The following EBF3 variants were observed in gnomAD, a reference collection of about 807,000 sequenced individuals.
EBF3 encodes transcription factor COE3.
EBF3 carries 18 observed loss-of-function variants against 77.1 expected under a neutral mutation model. The ratio of observed to expected loss-of-function variants is 0.23; its 90% CI spans 0.16 to 0.35. EBF3 has a LOEUF of 0.35. EBF3 is among the 10% of genes least tolerant of loss of function. EBF3 has a pLI of 1.00. For missense variants in EBF3, 558 were observed against 860.0 expected (o/e 0.65, Z 4.39); for synonymous variants, 350 against 343.5 (o/e 1.02, Z -0.21).
chr10:129,878,320 A>C (rs1225897540), intron 6 of EBF3, among the ~76,000 whole-genome samples: 1 of 152,230 alleles, frequency 6.6e-6, no homozygotes, highest in Admixed American at 6.5e-5. Context: ...TGGATGTGCC[A>C]TATCTTATCT....
At position 129,839,203 on chromosome 10, in the gene EBF3, ATAG is replaced by A; in HGVS notation, c.1760-11_1760-9del. 3 of 1,214,822 alleles carry A rather than the reference ATAG, an allele frequency of 2.5e-6. No homozygotes were observed. Among genetic ancestry groups the A allele is most frequent in the Non-Finnish European group, 3.3e-6 (3 of 907,472 alleles). 75.3% of individuals were successfully genotyped at this position (1,214,822 alleles called of 1,614,324 possible). A position where few individuals can be genotyped will look rare whatever the true frequency, so the allele number is the denominator to read the frequency against. Reference sequence around the variant, plus strand: ...CAGCACCCAGCAGAGAGCCTGGTACATAGTAGGTGCTCAGTAAATACTGGTTGA... The same window carrying A: ...CAGCACCCAGCAGAGAGCCTGGTACATAGGTGCTCAGTAAATACTGGTTGA... On this transcript the variant is annotated splice_polypyrimidine_tract_variant and intron_variant, in intron 15 of 16. Coordinates refer to ENST00000440978, the MANE Select transcript of EBF3 (RefSeq NM_001375380.1).
At chr10:129,853,054 T>C (rs1461224394) in intron 10 of EBF3, among the ~76,000 whole-genome samples, 1 of 152,200 alleles carries the variant, frequency 6.6e-6, no homozygotes, top group Non-Finnish European at 1.5e-5. Context: ...TTAATTGTGA[T>C]GGCAACCTCC....
chr10:129,920,582 C>G (rs1856225667), intron 6 of EBF3, among the ~76,000 whole-genome samples: 1 of 152,242 alleles, frequency 6.6e-6, no homozygotes, highest in Admixed American at 6.5e-5. Flanking sequence ...ACCAGCCTTT[C>G]TGGAACCTGA....
chr10:129,890,950 G>A (rs752770049), intron 6 of EBF3, among the ~76,000 whole-genome samples: 9 of 152,156 alleles, frequency 5.9e-5, no homozygotes, highest in Non-Finnish European at 1.0e-4. Context: ...TTTGTTACTT[G>A]ATAGGCCACA....
chr10:129,859,448 T>C (rs151215471), intron 10 of EBF3, among the ~76,000 whole-genome samples: 22,320 of 152,104 alleles, frequency 0.15, 2,836 homozygotes, highest in African/African-American at 0.34. Flanking sequence ...TGGTCTTGAA[T>C]TCCTGACCTC....
chr10:129,929,398 G>T (rs1856864527), intron 6 of EBF3, among the ~76,000 whole-genome samples: 1 of 151,950 alleles, frequency 6.6e-6, no homozygotes, highest in Non-Finnish European at 1.5e-5. Flanking sequence ...TAGATACAGG[G>T]TTTCACCATG....
At chr10:129,900,434 G>A (rs560286605) in intron 6 of EBF3, among the ~76,000 whole-genome samples, 1 of 152,334 alleles carries the variant, frequency 6.6e-6, no homozygotes, top group Non-Finnish European at 1.5e-5. Flanking sequence ...GGGAGGGGAG[G>A]AAGGACACAG....
rs182922115 is a variant in EBF3 at position 129,863,745 on chromosome 10, G to C, written c.1039+3396C>G. 2.0e-5 allele frequency among the ~76,000 whole-genome samples: 3 copies of C among 152,322 alleles called. No homozygotes were observed. In the East Asian group the frequency reaches 5.8e-4, roughly 29 times the overall value. On this transcript the variant is annotated intron_variant, in intron 10 of 16. Transcript: ENST00000440978. The surrounding 1 kb of genome is among the most constrained non-coding windows in gnomAD (Gnocchi z 4.0). ...TTACCTCATTGTCCCCATCAATTTTGGGGCAATGCAAATCAGACAGAAGCT... is the reference window on the plus strand; with the variant it reads ...TTACCTCATTGTCCCCATCAATTTTCGGGCAATGCAAATCAGACAGAAGCT...
Position 129,963,248 on chromosome 10 carries a change from G to T in EBF3, c.291+119C>A. On this transcript the variant is annotated intron_variant, in intron 2 of 16. Coordinates refer to ENST00000440978, the MANE Select transcript of EBF3 (RefSeq NM_001375380.1). This position sits in a 1 kb window ranked among gnomAD's most constrained non-coding sequence, Gnocchi z 7.1. ...CCGGGCGGCCGCACGTGGCGGCGGCGGGGTGGCCTGGCGGAGCCGAGCCCG... is the reference window on the plus strand; with the variant it reads ...CCGGGCGGCCGCACGTGGCGGCGGCTGGGTGGCCTGGCGGAGCCGAGCCCG... The T allele has an allele frequency of 7.2e-7, 1 of 1,397,034 alleles. No homozygotes were observed. Among genetic ancestry groups the T allele is most frequent in the Non-Finnish European group, 9.4e-7 (1 of 1,063,258 alleles). The allele number at this position is 1,397,034 out of a possible 1,614,324, so 86.5% of individuals were successfully genotyped here. A position where few individuals can be genotyped will look rare whatever the true frequency, so the allele number is the denominator to read the frequency against.
chr10:129,932,912 T>TC (rs1263292993), intron 6 of EBF3, among the ~76,000 whole-genome samples: 1 of 150,970 alleles, frequency 6.6e-6, no homozygotes, highest in Non-Finnish European at 1.5e-5. Flanking sequence ...TTTTTTTTTT[T>TC]TCAATTTCAG....
intron 5 of EBF3, among the ~76,000 whole-genome samples, chr10:129,957,807 T>C (rs1169669566): frequency 6.6e-6 from 1 of 152,240 alleles, no homozygotes; most frequent in African/African-American, 2.4e-5. Flanking sequence ...CACAAACTTC[T>C]ATTGTTCCTT....
At chr10:129,850,756 C>T (rs1180105087) in intron 10 of EBF3, among the ~76,000 whole-genome samples, 1 of 152,056 alleles carries the variant, frequency 6.6e-6, no homozygotes, top group African/African-American at 2.4e-5. Flanking sequence ...CCCAATCCAC[C>T]TCTGTGCCCC....
intron 6 of EBF3, among the ~76,000 whole-genome samples, chr10:129,929,015 C>A (rs886748016): frequency 1.3e-5 from 2 of 151,972 alleles, no homozygotes; most frequent in African/African-American, 2.4e-5. Flanking sequence ...GCAGGTGATC[C>A]CCATGAGGTT....
intron 8 of EBF3, 100 bp downstream of exon 8, chr10:129,873,352 C>A: frequency 7.6e-7 from 1 of 1,323,092 alleles, no homozygotes. Context: ...TGACCAAGGG[C>A]GGGGGCCTGG....
intron 6 of EBF3, among the ~76,000 whole-genome samples, chr10:129,924,218 C>G (rs939787620): frequency 2.6e-5 from 4 of 152,134 alleles, no homozygotes; most frequent in African/African-American, 9.7e-5. Context: ...AGATCGAGAA[C>G]AGCCTGGCCA....
intron 6 of EBF3, among the ~76,000 whole-genome samples, chr10:129,926,268 C>A (rs1856662339): frequency 6.6e-6 from 1 of 152,190 alleles, no homozygotes; most frequent in Admixed American, 6.5e-5. Flanking sequence ...CACCTTGGCG[C>A]CAGCCCGCAA....
chr10:129,936,497 G>C (rs1178658606), intron 6 of EBF3, among the ~76,000 whole-genome samples: 1 of 152,164 alleles, frequency 6.6e-6, no homozygotes, highest in Non-Finnish European at 1.5e-5. Context: ...CCTGTGTGAG[G>C]ACCCAAGGGC....
intron 6 of EBF3, among the ~76,000 whole-genome samples, chr10:129,940,793 G>A (rs925819422): frequency 6.6e-6 from 1 of 152,178 alleles, no homozygotes; most frequent in Non-Finnish European, 1.5e-5. Flanking sequence ...GGAACCGCGG[G>A]GGAGTCTGGG....
intron 6 of EBF3, among the ~76,000 whole-genome samples, chr10:129,948,026 G>A (rs1165108333): frequency 6.6e-6 from 1 of 152,108 alleles, no homozygotes; most frequent in Non-Finnish European, 1.5e-5. Context: ...GGAGGCCGAG[G>A]CAGGTGGATG....
Sources: gnomAD v4.1 joint callset for allele counts (sites outside exome capture counted in the v4.1 genomes callset) on GRCh38, gnomAD v4.1.1 for gene constraint, Gnocchi (gnomAD v3.1) non-coding constraint, MANE v1.5 for transcripts, NCBI Gene and HGNC (gene_info 2026-07-23, HGNC 2026-07-21) for gene names.